Variants in PIEZO2 observed in about 807,000 individuals in gnomAD.
PIEZO2 encodes the protein piezo type mechanosensitive ion channel component 2, also known as piezo-type mechanosensitive ion channel component 2.
Under a neutral mutation model 337.3 loss-of-function variants are expected in PIEZO2, and 172 were observed. That is an observed-to-expected ratio of 0.51 (90% CI 0.45 to 0.58). The LOEUF is 0.58. PIEZO2 is among the 20% of genes least tolerant of loss of function. PIEZO2 has a pLI of 0.00. For synonymous variants in PIEZO2, 1,251 were observed against 1,228.5 expected, an observed-to-expected ratio of 1.02 and a Z score of -0.38; for missense variants, 3,028 against 3,391.3, an observed-to-expected ratio of 0.89 and a Z score of 2.66.
At chr18:11,114,620 G>A (rs1436430448) in intron 1 of PIEZO2, among the ~76,000 whole-genome samples, 6 of 151,968 alleles carry the variant, frequency 3.9e-5, no homozygotes, top group African/African-American at 7.3e-5. Flanking sequence ...AGCTGAGATC[G>A]TGCCACTGCA....
rs935136875 is a variant in PIEZO2 at position 11,101,258 on chromosome 18, A to T, written c.65-35036T>A. On this transcript the variant is annotated intron_variant, in intron 1 of 55. Transcript: ENST00000674853. The surrounding 1 kb of genome is among the most constrained non-coding windows in gnomAD (Gnocchi z 4.4). ...TCAAGAACACTCCTTCCGACTTCCA[A>T]ACTTCCTCTGGAGTTCTGGGACTCA... Among the ~76,000 whole-genome samples the T allele has an allele frequency of 5.9e-5, 9 of 152,312 alleles. No individual in the cohort carries two copies. The highest frequency in any genetic ancestry group is 2.2e-4 in the African/African-American group (9 of 41,578).
intron 18 of PIEZO2, 24 bp from the exon 19 acceptor site, chr18:10,774,062 A>G (rs1319952836): frequency 8.5e-6 from 6 of 702,818 alleles, no homozygotes; most frequent in Non-Finnish European, 1.0e-5. Context: ...TTGAAATAGA[A>G]AGGAAAAAAA....
At chr18:11,067,896 C>T (rs1256751093) in intron 1 of PIEZO2, among the ~76,000 whole-genome samples, 1 of 152,166 alleles carries the variant, frequency 6.6e-6, no homozygotes, top group African/African-American at 2.4e-5. Flanking sequence ...TTCTATCCAA[C>T]AGCAGCAGAA....
intron 4 of PIEZO2, among the ~76,000 whole-genome samples, chr18:10,896,019 C>CA (rs2042890035): frequency 7.0e-6 from 1 of 142,306 alleles, no homozygotes; most frequent in Non-Finnish European, 1.5e-5. Context: ...AAGATCATGC[C>CA]ATTGCACTCC....
At position 11,148,477 on chromosome 18, in the gene PIEZO2, G is replaced by GCC; in HGVS notation, c.64+46_64+47dup. Reference sequence around the variant, plus strand: ...TTGTTAAGAAGTCCCCCACCCAGGCGCCCCCCTCGTCCTCCTCAAGTGCCC... The same window carrying GCC: ...TTGTTAAGAAGTCCCCCACCCAGGCGCCCCCCCCTCGTCCTCCTCAAGTGCCC... On this transcript the variant is annotated intron_variant, in intron 1 of 55. Transcript: ENST00000674853. This position sits in a 1 kb window ranked among gnomAD's most constrained non-coding sequence, Gnocchi z 5.2. 6.6e-7 allele frequency: 1 copy of GCC among 1,525,532 alleles called. No individual in the cohort carries two copies. Among genetic ancestry groups the GCC allele is most frequent in the Non-Finnish European group, 8.8e-7 (1 of 1,136,638 alleles). The allele number at this position is 1,525,532 out of a possible 1,614,324, so 94.5% of individuals were successfully genotyped here.
chr18:10,919,712 A>C (rs1490805483), intron 3 of PIEZO2, among the ~76,000 whole-genome samples: 1 of 152,154 alleles, frequency 6.6e-6, no homozygotes, highest in African/African-American at 2.4e-5. Flanking sequence ...CTAAATAATT[A>C]ACTCCATCAT....
At position 10,748,038 on chromosome 18, in the gene PIEZO2, A is replaced by C. The variant is rs2143720467; in HGVS notation, c.4424+433T>G. Among the ~76,000 whole-genome samples the C allele has an allele frequency of 6.6e-6, 1 of 152,090 alleles. No homozygotes were observed. The highest frequency in any genetic ancestry group is 6.5e-5 in the Admixed American group (1 of 15,272). On this transcript the variant is annotated intron_variant, in intron 30 of 55. Transcript: ENST00000674853. This position sits in a 1 kb window ranked among gnomAD's most constrained non-coding sequence, Gnocchi z 5.1. Reference sequence around the variant, plus strand: ...GGGGCAAAAACTGGAAGAAGAATGGAGCCTAGGGGAAAAAACAGGTAGTAA... The same window carrying C: ...GGGGCAAAAACTGGAAGAAGAATGGCGCCTAGGGGAAAAAACAGGTAGTAA...
chr18:10,978,358 C>T (rs2034528897), intron 3 of PIEZO2, among the ~76,000 whole-genome samples: 1 of 150,770 alleles, frequency 6.6e-6, no homozygotes, highest in Non-Finnish European at 1.5e-5. Context: ...AAAACAAAAA[C>T]AACAAAAAAA....
At position 10,853,012 on chromosome 18, in the gene PIEZO2, C is replaced by T. The variant is rs759333141; in HGVS notation, c.917+2341G>A. Among the ~76,000 whole-genome samples the T allele has an allele frequency of 6.6e-6, 1 of 152,168 alleles. No homozygotes were observed. Among genetic ancestry groups the T allele is most frequent in the Non-Finnish European group, 1.5e-5 (1 of 68,032 alleles). On this transcript the variant is annotated intron_variant, in intron 7 of 55. Transcript: ENST00000674853. This position sits in a 1 kb window ranked among gnomAD's most constrained non-coding sequence, Gnocchi z 4.2. ...GGTGATCAACAGTTTCCCGATAAGA[C>T]TTCAGGAGTTGGGTGAGTGGGCTCA...
intron 2 of PIEZO2, among the ~76,000 whole-genome samples, chr18:11,062,339 A>G (rs1293868957): frequency 1.3e-5 from 2 of 152,210 alleles, no homozygotes; most frequent in Non-Finnish European, 2.9e-5. Context: ...CATTCAGGAC[A>G]TAGGCATGGG....
chr18:10,748,533 G>T lies in PIEZO2; in HGVS notation c.4362C>A (p.Phe1454Leu). The T allele has an allele frequency of 6.5e-7, 1 of 1,536,774 alleles. No individual in the cohort carries two copies. The highest frequency in any genetic ancestry group is 8.7e-7 in the Non-Finnish European group (1 of 1,146,788). The change falls in exon 30 of 56, where the codon TTC (phenylalanine) becomes TTA (leucine). Residue 1454 changes from phenylalanine to leucine, a missense_variant. Physicochemically the swap from Phe to Leu is conservative, Grantham distance 22. Transcript: ENST00000674853. This position sits in a 1 kb window ranked among gnomAD's most constrained non-coding sequence, Gnocchi z 5.1. The stretch of plus-strand genomic sequence containing the variant: ...CAACATGTAGAAAATAATAACTCAT[G>T]AAAACTCTTCTTTGCAGCAGGAGGA... ...FAFLLLQRRVFMSYYFLHVVA... is the reference protein window; with the variant it reads ...FAFLLLQRRVLMSYYFLHVVA...
At chr18:10,715,353 T>A (rs528620624) in intron 38 of PIEZO2, among the ~76,000 whole-genome samples, 1 of 152,336 alleles carries the variant, frequency 6.6e-6, no homozygotes, top group South Asian at 2.1e-4. Flanking sequence ...CTCTATTAGA[T>A]ATAGGGATAT....
chr18:10,686,614 G>A (rs1256119938), intron 49 of PIEZO2, among the ~76,000 whole-genome samples: 1 of 152,212 alleles, frequency 6.6e-6, no homozygotes, highest in Non-Finnish European at 1.5e-5. Flanking sequence ...CACTGAGCTT[G>A]CCATCACAGA....
intron 15 of PIEZO2, 84 bp downstream of exon 15, chr18:10,788,995 T>C (rs2039321646): frequency 7.4e-7 from 1 of 1,359,992 alleles, no homozygotes. Context: ...CATGAGATTC[T>C]AGTGATTTAA....
rs2036898775 is a variant in PIEZO2 at position 11,035,496 on chromosome 18, A to G, written c.160+30631T>C. 6.6e-6 allele frequency among the ~76,000 whole-genome samples: 1 copy of G among 152,114 alleles called. No individual in the cohort carries two copies. Among genetic ancestry groups the G allele is most frequent in the Non-Finnish European group, 1.5e-5 (1 of 68,016 alleles). On this transcript the variant is annotated intron_variant, in intron 2 of 55. Transcript: ENST00000674853. This position sits in a 1 kb window ranked among gnomAD's most constrained non-coding sequence, Gnocchi z 4.3. ...TTAAATAAACCTGTTTCCTTTACAT[A>G]TCTCCCAGCCTCAGATATTCCTTTA...
intron 3 of PIEZO2, among the ~76,000 whole-genome samples, chr18:10,934,426 G>A (rs1042749188): frequency 7.2e-5 from 11 of 152,060 alleles, no homozygotes; most frequent in East Asian, 5.8e-4. Flanking sequence ...CTCTCATGGC[G>A]AGCAAAATTC....
chr18:10,803,887 A>G lies in PIEZO2; in HGVS notation c.1188T>C (p.Thr396=). Residue 396 remains threonine, a synonymous_variant, in exon 9 of 56, where the codon ACT becomes ACC. Transcript: ENST00000674853. Reference sequence around the variant, plus strand: ...CATCATGGCTTACTTTTCTCTCATCAGTGGGGTAATGGGTTGCGTACCACA... The same window carrying G: ...CATCATGGCTTACTTTTCTCTCATCGGTGGGGTAATGGGTTGCGTACCACA... ...RSLWYATHYP[T]DERKLLSMTQ... The G allele has an allele frequency of 2.6e-6, 4 of 1,537,246 alleles. No individual in the cohort carries two copies. Among genetic ancestry groups the G allele is most frequent in the Non-Finnish European group, 3.5e-6 (4 of 1,146,920 alleles).
At position 10,744,171 on chromosome 18, in the gene PIEZO2, C is replaced by T. The variant is rs1381939930; in HGVS notation, c.4485G>A (p.Glu1495=). 6.5e-7 allele frequency: 1 copy of T among 1,536,856 alleles called. No homozygotes were observed. The highest frequency in any genetic ancestry group is 1.4e-5 in the African/African-American group (1 of 73,042). The change falls in exon 31 of 56, where the codon GAG becomes GAA. Residue 1495 remains glutamate (E), a synonymous_variant. Transcript: ENST00000674853. The part of the protein sequence containing the change: ...VKAVKARIEE[E]KKSMDQLKRQ... ...GCTTCAGCTGGTCCATGGACTTCTT[C>T]TCTTCCTCAATTCTTGCCTTTACAG...
At chr18:10,811,993 C>T (rs1181658702) in intron 7 of PIEZO2, among the ~76,000 whole-genome samples, 1 of 152,182 alleles carries the variant, frequency 6.6e-6, no homozygotes, top group African/African-American at 2.4e-5. Context: ...GCCACCACGC[C>T]CGGCTAACTT....
Sources: gnomAD v4.1 joint callset for allele counts (sites outside exome capture counted in the v4.1 genomes callset) on GRCh38, gnomAD v4.1.1 for gene constraint, Gnocchi (gnomAD v3.1) non-coding constraint, MANE v1.5 for transcripts, NCBI Gene and HGNC (gene_info 2026-07-23, HGNC 2026-07-21) for gene names.